COL9A1: variants seen among roughly 807,000 people sequenced by gnomAD.
The protein encoded by COL9A1 is collagen type IX alpha 1 chain, also known as collagen alpha-1(IX) chain.
COL9A1 carries 104 observed loss-of-function variants against 142.6 expected under a neutral mutation model. The observed-to-expected ratio is 0.73, with a 90% CI of 0.62 to 0.86. The LOEUF (loss-of-function observed/expected upper bound fraction) is 0.86, where lower values mean the gene tolerates loss of function less well. COL9A1 is among the 40% of genes least tolerant of loss of function. The pLI is 0.00. For missense variants in COL9A1, 1,210 were observed against 1,176.6 expected, an observed-to-expected ratio of 1.03 and a Z score of -0.42; for synonymous variants, 466 against 396.0, an observed-to-expected ratio of 1.18 and a Z score of -2.10.
At chr6:70,253,867 C>CTGGA in intron 25 of COL9A1, among the ~76,000 whole-genome samples, 1 of 152,142 alleles carries the variant, frequency 6.6e-6, no homozygotes, top group African/African-American at 2.4e-5. Context: ...TAGGAGGATG[C>CTGGA]TGGATCTGAC....
intron 35 of COL9A1, among the ~76,000 whole-genome samples, chr6:70,233,667 G>A (rs1769702267): frequency 6.6e-6 from 1 of 152,180 alleles, no homozygotes; most frequent in African/African-American, 2.4e-5. Context: ...TTTTAGATAT[G>A]TTTAAAACTA....
chr6:70,287,819 C>T (rs549503410), intron 5 of COL9A1, among the ~76,000 whole-genome samples: 1 of 152,274 alleles, frequency 6.6e-6, no homozygotes, highest in South Asian at 2.1e-4. Context: ...ACTTTCAGGG[C>T]ACCACAATCT....
At chr6:70,273,038 G>T (rs1772510763) in intron 12 of COL9A1, among the ~76,000 whole-genome samples, 1 of 152,018 alleles carries the variant, frequency 6.6e-6, no homozygotes, top group Non-Finnish European at 1.5e-5. Flanking sequence ...TCTAAAATAT[G>T]AATATACCAA....
At chr6:70,221,565 T>C (rs955097623) in intron 37 of COL9A1, among the ~76,000 whole-genome samples, 27 of 152,186 alleles carry the variant, frequency 1.8e-4, no homozygotes, top group African/African-American at 5.3e-4. Flanking sequence ...CTGTGGACTT[T>C]GCACAAGAAA....
At chr6:70,222,508 A>G (rs1403629807) in intron 37 of COL9A1, among the ~76,000 whole-genome samples, 1 of 152,192 alleles carries the variant, frequency 6.6e-6, no homozygotes, top group Admixed American at 6.5e-5. Flanking sequence ...CATCAATGTA[A>G]AGGTTATAAT....
chr6:70,302,079 A>G lies in COL9A1; in HGVS notation c.15-5T>C, dbSNP rs761896601. The G allele has an allele frequency of 2.5e-6, 4 of 1,604,276 alleles. No individual in the cohort carries two copies. Among genetic ancestry groups the G allele is most frequent in the Non-Finnish European group, 3.4e-6 (4 of 1,173,972 alleles). On this transcript the variant is annotated splice_polypyrimidine_tract_variant and splice_region_variant and intron_variant, in intron 1 of 37. Transcript: ENST00000357250. ...AAGAAGAAAACTGGAATTTTCCTGA[A>G]GAAGAGAGAAGAAAAATGACTGAAA... is the stretch of plus-strand genomic sequence containing the variant.
rs1490987780 is a variant in COL9A1 at position 70,232,719 on chromosome 6, A to C, written c.2367T>G (p.Thr789=). The C allele has an allele frequency of 6.2e-7, 1 of 1,613,980 alleles. No individual in the cohort carries two copies. Among genetic ancestry groups the C allele is most frequent in the Non-Finnish European group, 8.5e-7 (1 of 1,180,008 alleles). The part of the protein sequence containing the change: ...ASLKRPDSGA[T]GLPGRPGPPG... ...GAGGGCCAGGCCTTCCAGGAAGCCC[A>C]GTGGCACCTGAGTCTGGACGCTTAA... Residue 789 remains threonine, a synonymous_variant, in exon 36 of 38, where the codon ACT becomes ACG. Transcript: ENST00000357250.
Position 70,300,402 on chromosome 6 carries a change from C to T in COL9A1, c.89-16G>A. On this transcript the variant is annotated splice_polypyrimidine_tract_variant and intron_variant, in intron 2 of 37. Transcript: ENST00000357250. ...ACAGGGAATCCTGCAAAAGAGATAGCATGTCATTCTACTTCATCCACTCTA... is the reference window on the plus strand; with the variant it reads ...ACAGGGAATCCTGCAAAAGAGATAGTATGTCATTCTACTTCATCCACTCTA... The T allele has an allele frequency of 6.7e-7, 1 of 1,499,482 alleles. No homozygotes were observed. The highest frequency in any genetic ancestry group is 1.1e-5 in the South Asian group (1 of 88,844). The allele number at this position is 1,499,482 out of a possible 1,614,324, so 92.9% of individuals were successfully genotyped here.
chr6:70,243,729 T>A (rs193175228), intron 28 of COL9A1, among the ~76,000 whole-genome samples: 60 of 152,330 alleles, frequency 3.9e-4, no homozygotes, highest in African/African-American at 1.4e-3. Flanking sequence ...GGTTTCGCCA[T>A]ATTGGCCAGG....
At chr6:70,236,969 G>A (rs1017547861) in intron 33 of COL9A1, among the ~76,000 whole-genome samples, 12 of 152,100 alleles carry the variant, frequency 7.9e-5, no homozygotes, top group Non-Finnish European at 7.4e-5. Flanking sequence ...TTACAGGCGT[G>A]CGCCATGACA....
Position 70,268,991 on chromosome 6 carries a change from T to A in COL9A1, c.1231-131A>T, listed in dbSNP as rs866012487. ...CTCCATTGCAATAATATTCATTGAATAATTCTAAACACCCCTTTCCTTTTT... is the reference window on the plus strand; with the variant it reads ...CTCCATTGCAATAATATTCATTGAAAAATTCTAAACACCCCTTTCCTTTTT... On this transcript the variant is annotated intron_variant, in intron 16 of 37. Transcript: ENST00000357250. The A allele has an allele frequency of 3.4e-5, 25 of 733,212 alleles. 1 individual carries two copies. In the Middle Eastern group the frequency reaches 1.2e-3, roughly 34 times the overall value. 45.4% of individuals were successfully genotyped at this position (733,212 alleles called of 1,614,324 possible). A position where few individuals can be genotyped will look rare whatever the true frequency, so the allele number is the denominator to read the frequency against.
At chr6:70,249,493 C>A (rs556253842) in intron 28 of COL9A1, among the ~76,000 whole-genome samples, 1 of 152,046 alleles carries the variant, frequency 6.6e-6, no homozygotes, top group South Asian at 2.1e-4. Context: ...TGCAGTAATC[C>A]AAGCAGTAGG....
At position 70,234,420 on chromosome 6, in the gene COL9A1, G is replaced by C. The variant is rs12197487; in HGVS notation, c.2314+119C>G. On this transcript the variant is annotated intron_variant, in intron 35 of 37. Coordinates refer to ENST00000357250, the MANE Select transcript of COL9A1 (RefSeq NM_001851.6). ...AATTGGCATTAATATTACCCTAAAT[G>C]TCCTATCTTTAAGGCACACAAAAAG... is the stretch of plus-strand genomic sequence containing the variant. The C allele has an allele frequency of 0.17, 171,347 of 986,464 alleles. 17,142 individuals carry two copies. The highest frequency in any genetic ancestry group is 0.21 in the Non-Finnish European group (131,966 of 626,798). 61.1% of individuals were successfully genotyped at this position (986,464 alleles called of 1,614,324 possible). A position where few individuals can be genotyped will look rare whatever the true frequency, so the allele number is the denominator to read the frequency against.
chr6:70,260,705 G>A lies in COL9A1; in HGVS notation c.1401C>T (p.Ala467=). The part of the protein sequence containing the change: ...GEVGAQGPPG[A]QGLRGITGIV... ...TGCCGGTGATGCCTCGCAAACCCTGGGCTCCCTGGAAATGTGAAAAAGAGA... is the reference window on the plus strand; with the variant it reads ...TGCCGGTGATGCCTCGCAAACCCTGAGCTCCCTGGAAATGTGAAAAAGAGA... The change falls in exon 20 of 38, where the codon GCC becomes GCT. Residue 467 remains alanine (A), a synonymous_variant. Coordinates refer to ENST00000357250, the MANE Select transcript of COL9A1 (RefSeq NM_001851.6). The A allele has an allele frequency of 6.2e-7, 1 of 1,613,752 alleles. No homozygotes were observed. The highest frequency in any genetic ancestry group is 8.5e-7 in the Non-Finnish European group (1 of 1,179,892).
At chr6:70,231,671 AT>A (rs1769553191) in intron 36 of COL9A1, among the ~76,000 whole-genome samples, 1 of 151,632 alleles carries the variant, frequency 6.6e-6, no homozygotes, top group Admixed American at 6.6e-5. Flanking sequence ...CCATCTGACC[AT>A]TCATACCACA....
chr6:70,294,201 C>G lies in COL9A1; in HGVS notation c.662G>C (p.Gly221Ala). The stretch of plus-strand genomic sequence containing the variant: ...AACTTGAGGATTATCTGCAAGTTTT[C>G]CCAGCACAGCAAAGCCATCAATGTC... ...PIDIDGFAVLGKLADNPQVSV... is the reference protein window; with the variant it reads ...PIDIDGFAVLAKLADNPQVSV... Residue 221 changes from glycine (G) to alanine (A), a missense_variant, in exon 5 of 38, where the codon GGA becomes GCA. Transcript: ENST00000357250. 6.2e-7 allele frequency: 1 copy of G among 1,614,020 alleles called. No homozygotes were observed. Among genetic ancestry groups the G allele is most frequent in the Non-Finnish European group, 8.5e-7 (1 of 1,179,928 alleles).
At chr6:70,291,683 A>C (rs1292528155) in intron 5 of COL9A1, among the ~76,000 whole-genome samples, 1 of 152,190 alleles carries the variant, frequency 6.6e-6, no homozygotes, top group Non-Finnish European at 1.5e-5. Context: ...CTTTTTAAAA[A>C]TTTATTTGGT....
At chr6:70,266,600 A>G in intron 18 of COL9A1, 117 bp downstream of exon 18, 1 of 863,130 alleles carries the variant, frequency 1.2e-6, no homozygotes, top group South Asian at 1.4e-5. Flanking sequence ...ATCATTATTT[A>G]AAAAAGAATG....
rs138522232 is a variant in COL9A1, at chr6:70,300,029, T to G, written c.299+14A>C. 3.7e-4 allele frequency: 602 copies of G among 1,612,732 alleles called. 1 individual carries two copies. The African/African-American group carries it at 6.9e-3, about 19-fold the overall frequency. ...GAGTCAGATAATTAGATTAAAATATTTTTGATAGATTACCTAGTTGGAATC... is the reference window on the plus strand; with the variant it reads ...GAGTCAGATAATTAGATTAAAATATGTTTGATAGATTACCTAGTTGGAATC... On this transcript the variant is annotated intron_variant, in intron 4 of 37. Transcript: ENST00000357250.
Sources: allele counts gnomAD v4.1 joint callset (sites outside exome capture counted in the v4.1 genomes callset), GRCh38; gene constraint gnomAD v4.1.1; transcripts MANE v1.5; gene names NCBI Gene and HGNC (gene_info 2026-07-23, HGNC 2026-07-21).